Variants in PLCG2 observed in about 807,000 individuals in gnomAD.
The protein encoded by PLCG2 is phospholipase C gamma 2, also known as 1-phosphatidylinositol 4,5-bisphosphate phosphodiesterase gamma-2.
In PLCG2, 69 loss-of-function variants were observed where a neutral mutation model predicts 175.6. The observed-to-expected ratio is 0.39, with a 90% CI of 0.32 to 0.48. The LOEUF is 0.48. PLCG2 is among the 20% of genes least tolerant of loss of function. The pLI is 0.91. For synonymous variants in PLCG2, 827 were observed against 624.0 expected, an observed-to-expected ratio of 1.33 and a Z score of -4.85; for missense variants, 1,798 against 1,650.9, an observed-to-expected ratio of 1.09 and a Z score of -1.54.
chr16:81,864,801 C>T (rs192993950), intron 5 of PLCG2, among the ~76,000 whole-genome samples: 3 of 152,168 alleles, frequency 2.0e-5, no homozygotes, highest in East Asian at 1.9e-4. Context: ...TGCCTGGGTG[C>T]GGGAGTTGAA....
chr16:81,917,391 C>T (rs1049562816), intron 19 of PLCG2, among the ~76,000 whole-genome samples: 1 of 152,098 alleles, frequency 6.6e-6, no homozygotes, highest in Non-Finnish European at 1.5e-5. Flanking sequence ...TATTGATTTC[C>T]TTTCCTTCAG....
chr16:81,875,940 T>G (rs913226822), intron 7 of PLCG2, among the ~76,000 whole-genome samples: 1 of 152,034 alleles, frequency 6.6e-6, no homozygotes, highest in East Asian at 1.9e-4. Context: ...TTTATTCTTA[T>G]TGTCAGTGGC....
intron 1 of PLCG2, among the ~76,000 whole-genome samples, chr16:81,744,960 G>T (rs999377008): frequency 6.6e-6 from 1 of 152,190 alleles, no homozygotes; most frequent in Non-Finnish European, 1.5e-5. Flanking sequence ...AGAAGGGTTG[G>T]TTTTTCTGGA....
chr16:81,868,523 A>G (rs916437015), intron 5 of PLCG2, among the ~76,000 whole-genome samples: 1 of 152,176 alleles, frequency 6.6e-6, no homozygotes, highest in South Asian at 2.1e-4. Context: ...TCTGGGTGGC[A>G]GGTAGAGTCA....
At chr16:81,881,600 A>G (rs1469256464) in intron 8 of PLCG2, among the ~76,000 whole-genome samples, 1 of 152,232 alleles carries the variant, frequency 6.6e-6, no homozygotes, top group African/African-American at 2.4e-5. Flanking sequence ...TTTTGAAATC[A>G]GAAACTCCAA....
At chr16:81,869,139 A>G in intron 5 of PLCG2, 75 bp from the exon 6 acceptor site, 1 of 1,069,790 alleles carries the variant, frequency 9.3e-7, no homozygotes, top group Non-Finnish European at 1.5e-6. Context: ...CTGAGGTGGG[A>G]ACTGATGGGA....
At chr16:81,940,465 G>T (rs1028333358) in intron 30 of PLCG2, among the ~76,000 whole-genome samples, 1 of 152,014 alleles carries the variant, frequency 6.6e-6, no homozygotes, top group Non-Finnish European at 1.5e-5. Flanking sequence ...CTTGGGGGGG[G>T]AGTAACAATC....
chr16:81,752,284 C>T (rs1341342627), intron 1 of PLCG2, among the ~76,000 whole-genome samples: 1 of 152,110 alleles, frequency 6.6e-6, no homozygotes, highest in Non-Finnish European at 1.5e-5. Context: ...CAGGTTCCAG[C>T]TTCCCCAGGT....
At chr16:81,914,367 C>T (rs1293346096) in intron 19 of PLCG2, among the ~76,000 whole-genome samples, 5 of 152,108 alleles carry the variant, frequency 3.3e-5, no homozygotes, top group African/African-American at 9.7e-5. Flanking sequence ...GGACAGTGTC[C>T]GGCAGAAAGG....
intron 26 of PLCG2, 34 bp from the exon 27 acceptor site, chr16:81,936,135 C>T: frequency 6.2e-7 from 1 of 1,611,308 alleles, no homozygotes; most frequent in African/African-American, 1.3e-5. Flanking sequence ...AGATGAGACA[C>T]AGAAGTACTG....
chr16:81,751,212 C>G (rs1202248202), intron 1 of PLCG2, among the ~76,000 whole-genome samples: 1 of 151,302 alleles, frequency 6.6e-6, no homozygotes, highest in African/African-American at 2.4e-5. Flanking sequence ...AACTCCTGAC[C>G]TCAGGTGATC....
chr16:81,921,214 C>G lies in PLCG2; in HGVS notation c.2252C>G (p.Ser751Cys), dbSNP rs374154653. The change falls in exon 21 of 33, where the codon TCC (serine) becomes TGC (cysteine). Residue 751 changes from serine to cysteine, a missense_variant. Ser to Cys is a moderately radical substitution (Grantham distance 112). Transcript: ENST00000564138. ...ERYNMERDIN[S>C]LYDVSRMYVD... is the part of the protein sequence containing the mutation. ...TTTTTCCAGGAAAGAGATATAAACT[C>G]CCTCTACGACGTCAGCAGAATGTAT... 23 of 1,596,900 alleles carry G rather than the reference C, an allele frequency of 1.4e-5. No individual in the cohort carries two copies. The highest frequency in any genetic ancestry group is 2.0e-5 in the Non-Finnish European group (23 of 1,164,468).
chr16:81,746,640 C>T (rs1249981729), intron 1 of PLCG2, among the ~76,000 whole-genome samples: 1 of 152,248 alleles, frequency 6.6e-6, no homozygotes, highest in Non-Finnish European at 1.5e-5. Context: ...ATATACACTT[C>T]TGTGATGCCA....
chr16:81,785,619 T>G (rs1910934158), intron 1 of PLCG2: 1 of 179,152 alleles, frequency 5.6e-6, no homozygotes, highest in Admixed American at 5.7e-5. Flanking sequence ...CTGGGCTGCT[T>G]TGGCTATTCA....
At chr16:81,802,235 C>T (rs1358971978) in intron 2 of PLCG2, among the ~76,000 whole-genome samples, 1 of 150,978 alleles carries the variant, frequency 6.6e-6, no homozygotes. Flanking sequence ...GCCTCAGCCT[C>T]CACAGTAGTT....
At chr16:81,787,309 C>A (rs561710609) in intron 2 of PLCG2, among the ~76,000 whole-genome samples, 1 of 151,974 alleles carries the variant, frequency 6.6e-6, no homozygotes, top group Non-Finnish European at 1.5e-5. Context: ...GCAGCCTCAG[C>A]CCCCTGGGCT....
chr16:81,797,596 C>T (rs1911527992), intron 2 of PLCG2, among the ~76,000 whole-genome samples: 2 of 152,224 alleles, frequency 1.3e-5, no homozygotes. Flanking sequence ...GTGGCTGGTG[C>T]TCCTCAGATA....
At chr16:81,798,316 G>C (rs577405586) in intron 2 of PLCG2, 2 of 152,358 alleles carry the variant, frequency 1.3e-5, no homozygotes, top group African/African-American at 4.8e-5. Context: ...TTGCGTGGGG[G>C]ACATGGGACA....
intron 31 of PLCG2, among the ~76,000 whole-genome samples, chr16:81,950,474 TG>T (rs1162146972): frequency 6.6e-6 from 1 of 152,220 alleles, no homozygotes; most frequent in Non-Finnish European, 1.5e-5. Flanking sequence ...TTTCAGAATT[TG>T]GAAAGTCTTG....
Sources: gnomAD v4.1 joint callset for allele counts (sites outside exome capture counted in the v4.1 genomes callset) on GRCh38, gnomAD v4.1.1 for gene constraint, MANE v1.5 for transcripts, NCBI Gene and HGNC (gene_info 2026-07-23, HGNC 2026-07-21) for gene names.